Variants in NRG1 observed in about 807,000 individuals in gnomAD.
NRG1 encodes neuregulin 1.
Under a neutral mutation model 63.8 loss-of-function variants are expected in NRG1, and 18 were observed. The ratio of observed to expected loss-of-function variants is 0.28; its 90% CI spans 0.19 to 0.42. The LOEUF is 0.42. NRG1 is among the 10% of genes least tolerant of loss of function. NRG1 has a pLI of 1.00. For missense variants in NRG1, 762 were observed against 814.7 expected (o/e 0.94, Z 0.79); for synonymous variants, 302 against 301.3 (o/e 1.00, Z -0.02).
chr8:32,355,833 A>G (rs1454767563), intron 1 of NRG1, among the ~76,000 whole-genome samples: 1 of 152,188 alleles, frequency 6.6e-6, no homozygotes, highest in Non-Finnish European at 1.5e-5. Context: ...GGTGATCACA[A>G]ACATAATCTA....
intron 1 of NRG1, among the ~76,000 whole-genome samples, chr8:31,819,054 A>AAAAACAAAAC (rs146058424): frequency 1.3e-5 from 2 of 151,640 alleles, no homozygotes; most frequent in African/African-American, 4.8e-5. Context: ...ACTTCTTCTC[A>AAAAACAAAAC]AAAACAAAAC....
Position 32,291,770 on chromosome 8 carries a change from C to T in NRG1, c.38-304058C>T, listed in dbSNP as rs138545458. Among the ~76,000 whole-genome samples, 1,209 of 152,164 alleles carry T rather than the reference C, an allele frequency of 7.9e-3. 15 individuals are homozygous for T. The highest frequency in any genetic ancestry group is 0.027 in the African/African-American group (1,136 of 41,520). Reference sequence around the variant, plus strand: ...ATGTTGGCCAGGCTGGTCTTGAGCTCCTGACCTCAAGTGATCTGCTGGCCT... The same window carrying T: ...ATGTTGGCCAGGCTGGTCTTGAGCTTCTGACCTCAAGTGATCTGCTGGCCT... On this transcript the variant is annotated intron_variant, in intron 1 of 10. Coordinates refer to the NRG1 transcript ENST00000519301.
At chr8:31,800,420 T>C (rs1031945168) in intron 1 of NRG1, among the ~76,000 whole-genome samples, 4 of 152,210 alleles carry the variant, frequency 2.6e-5, no homozygotes, top group African/African-American at 9.6e-5. Flanking sequence ...TAGTAAGTTG[T>C]ACGTGCTTGA....
chr8:32,073,521 G>T (rs938489516), intron 1 of NRG1, among the ~76,000 whole-genome samples: 3 of 152,114 alleles, frequency 2.0e-5, no homozygotes, highest in African/African-American at 7.2e-5. Context: ...TAAATGCTCT[G>T]TTTTTATGCG....
At chr8:32,206,647 A>T (rs865811847) in intron 1 of NRG1, among the ~76,000 whole-genome samples, 3 of 152,126 alleles carry the variant, frequency 2.0e-5, no homozygotes, top group Non-Finnish European at 4.4e-5. Context: ...ACAATTATTA[A>T]TTTTTATAGA....
At chr8:32,633,690 C>T (rs552022430) in intron 5 of NRG1, among the ~76,000 whole-genome samples, 1 of 152,256 alleles carries the variant, frequency 6.6e-6, no homozygotes, top group African/African-American at 2.4e-5. Flanking sequence ...AAAACTAAAT[C>T]TTCCACTAGA....
chr8:32,637,877 G>T (rs1448001506), intron 5 of NRG1, among the ~76,000 whole-genome samples: 1 of 152,084 alleles, frequency 6.6e-6, no homozygotes, highest in African/African-American at 2.4e-5. Context: ...TCAGAAAGAG[G>T]CCCATTAAGT....
chr8:32,060,667 CAT>C (rs1823697100), intron 1 of NRG1, among the ~76,000 whole-genome samples: 1 of 151,950 alleles, frequency 6.6e-6, no homozygotes, highest in South Asian at 2.1e-4. Flanking sequence ...AGGAGAACAA[CAT>C]ATGTAGCTGT....
intron 8 of NRG1, among the ~76,000 whole-genome samples, chr8:32,754,985 C>T (rs1204220330): frequency 6.6e-6 from 1 of 152,062 alleles, no homozygotes; most frequent in Admixed American, 6.6e-5. Flanking sequence ...TAAAGGAAAC[C>T]TTTCGTGGTA....
intron 1 of NRG1, among the ~76,000 whole-genome samples, chr8:31,817,961 T>C (rs920728804): frequency 1.3e-5 from 2 of 152,224 alleles, no homozygotes; most frequent in Non-Finnish European, 2.9e-5. Context: ...CAGACCCACC[T>C]GATTCTTCTA....
At chr8:31,857,470 C>T (rs28812815) in intron 1 of NRG1, among the ~76,000 whole-genome samples, 6,008 of 152,318 alleles carry the variant, frequency 0.039, 423 homozygotes, top group African/African-American at 0.14. Context: ...CCTGCTTTGG[C>T]TCGCGCAGGG....
chr8:32,494,822 G>A (rs560799198), intron 1 of NRG1, among the ~76,000 whole-genome samples: 25 of 150,698 alleles, frequency 1.7e-4, no homozygotes, highest in African/African-American at 5.8e-4. Context: ...CAGCCTCATT[G>A]TCCTTGGTAG....
chr8:32,354,813 AAC>A (rs1416341753), intron 1 of NRG1, among the ~76,000 whole-genome samples: 2 of 150,902 alleles, frequency 1.3e-5, no homozygotes, highest in Non-Finnish European at 3.0e-5. Context: ...AAAAAAAAAA[AAC>A]ATATAACATA....
intron 1 of NRG1, among the ~76,000 whole-genome samples, chr8:31,766,418 T>C (rs890530769): frequency 2.0e-5 from 3 of 152,124 alleles, no homozygotes; most frequent in African/African-American, 7.2e-5. Flanking sequence ...GTATATGTTT[T>C]GGGGTGGGAT....
rs201996328 is a variant in NRG1, at chr8:32,354,798, TTTA to T, written c.38-241029_38-241027del. Among the ~76,000 whole-genome samples, 1,457 of 146,370 alleles carry T rather than the reference TTTA, an allele frequency of 1.0e-2. 7 individuals are homozygous for T. The highest frequency in any genetic ancestry group is 0.012 in the Non-Finnish European group (767 of 66,288). On this transcript the variant is annotated intron_variant, in intron 1 of 10. Coordinates refer to the NRG1 transcript ENST00000519301. ...GTTATATCTCAATGAAGCTGCTTTT[TTTA>T]AAAAAAAAAAAAACATATAACATAA... is the stretch of plus-strand genomic sequence containing the variant.
At chr8:32,693,253 C>G in intron 5 of NRG1, among the ~76,000 whole-genome samples, 1 of 147,798 alleles carries the variant, frequency 6.8e-6, no homozygotes, top group Non-Finnish European at 1.5e-5. Flanking sequence ...GAGTCTCGCT[C>G]TGTCACCCAG....
rs1207272868 is a variant in NRG1, at chr8:31,811,576, T to C, written c.37+172145T>C. Among the ~76,000 whole-genome samples the C allele has an allele frequency of 2.6e-5, 4 of 152,212 alleles. No individual in the cohort carries two copies. The East Asian group carries it at 7.7e-4, about 29-fold the overall frequency. On this transcript the variant is annotated intron_variant, in intron 1 of 10. Transcript: ENST00000519301. ...CTATTGTATGTTACTGTTTTTATCTTCTGTGTTGTTGTTGTTGCTTAACAA... is the reference window on the plus strand; with the variant it reads ...CTATTGTATGTTACTGTTTTTATCTCCTGTGTTGTTGTTGTTGCTTAACAA...
intron 11 of NRG1, 179 bp downstream of exon 11, chr8:32,760,585 T>C: frequency 1.4e-6 from 2 of 1,412,614 alleles, no homozygotes; most frequent in Non-Finnish European, 1.8e-6. Flanking sequence ...TTATTTCTTC[T>C]GAGCTTCTCT....
At chr8:32,091,277 C>CAA (rs34853603) in intron 1 of NRG1, among the ~76,000 whole-genome samples, 85 of 119,278 alleles carry the variant, frequency 7.1e-4, no homozygotes, top group East Asian at 8.8e-4. Flanking sequence ...GACTTGGTCT[C>CAA]AAAAAAAAAA....
Sources: allele counts gnomAD v4.1 joint callset (sites outside exome capture counted in the v4.1 genomes callset), GRCh38; gene constraint gnomAD v4.1.1; transcripts MANE v1.5; gene names NCBI Gene and HGNC (gene_info 2026-07-23, HGNC 2026-07-21).